CSMD1: variants seen among roughly 807,000 people sequenced by gnomAD.
CSMD1 encodes CUB and sushi domain-containing protein 1.
CSMD1 carries 213 observed loss-of-function variants against 417.5 expected under a neutral mutation model. The ratio of observed to expected loss-of-function variants is 0.51; its 90% CI spans 0.46 to 0.57. The LOEUF (loss-of-function observed/expected upper bound fraction) is 0.57. Among genes scored for constraint, CSMD1 ranks in the 20% least tolerant of loss-of-function variants. The pLI is 0.00. For synonymous variants in CSMD1, 2,862 were observed against 1,736.8 expected, an observed-to-expected ratio of 1.65 and a Z score of -16.11; for missense variants, 6,923 against 4,529.7, an observed-to-expected ratio of 1.53 and a Z score of -15.17.
chr8:3,190,482 A>G (rs1032508307), intron 33 of CSMD1, among the ~76,000 whole-genome samples: 1 of 152,170 alleles, frequency 6.6e-6, no homozygotes, highest in Admixed American at 6.5e-5. Flanking sequence ...TCATCCTGCT[A>G]GTGATAATGA....
intron 1 of CSMD1, among the ~76,000 whole-genome samples, chr8:4,747,066 C>T (rs771364890): frequency 5.3e-5 from 8 of 152,114 alleles, no homozygotes; most frequent in Non-Finnish European, 8.8e-5. Context: ...GATCACCATC[C>T]TCTGGGGCTA....
chr8:3,010,257 A>T (rs971740287), intron 52 of CSMD1, among the ~76,000 whole-genome samples: 1 of 151,812 alleles, frequency 6.6e-6, no homozygotes, highest in African/African-American at 2.4e-5. Flanking sequence ...CCAGACTCCT[A>T]CTCTTCTACT....
At chr8:4,041,116 C>A (rs11136692) in intron 3 of CSMD1, among the ~76,000 whole-genome samples, 81,266 of 146,978 alleles carry the variant, frequency 0.55, 23,334 homozygotes, top group East Asian at 0.77. Flanking sequence ...TCCCGGGTTC[C>A]CGCCATTCTC....
At chr8:4,583,301 G>C (rs185454676) in intron 2 of CSMD1, among the ~76,000 whole-genome samples, 3 of 152,214 alleles carry the variant, frequency 2.0e-5, no homozygotes, top group Non-Finnish European at 1.5e-5. Context: ...CCTGAGTCTG[G>C]TGGGGCCTTG....
At chr8:3,902,635 T>A (rs1186847871) in intron 5 of CSMD1, among the ~76,000 whole-genome samples, 1 of 152,056 alleles carries the variant, frequency 6.6e-6, no homozygotes, top group Admixed American at 6.6e-5. Flanking sequence ...GAGGCAGAGC[T>A]CAGGGGTAAT....
intron 2 of CSMD1, among the ~76,000 whole-genome samples, chr8:4,618,076 T>G (rs562817352): frequency 1.3e-3 from 200 of 152,320 alleles, no homozygotes; most frequent in African/African-American, 4.4e-3. Context: ...CACATCATGC[T>G]GAATTTTTTG....
chr8:4,784,019 G>C (rs1418577196), intron 1 of CSMD1, among the ~76,000 whole-genome samples: 3 of 152,110 alleles, frequency 2.0e-5, no homozygotes, highest in African/African-American at 4.8e-5. Context: ...GAAAATTATG[G>C]ATAAAAAAAG....
At chr8:4,667,789 C>T (rs2466730) in intron 1 of CSMD1, among the ~76,000 whole-genome samples, 109,000 of 152,076 alleles carry the variant, frequency 0.72, 39,579 homozygotes, top group African/African-American at 0.83. Flanking sequence ...ACATAGACTA[C>T]GTCCTTTGTG....
Position 4,994,696 on chromosome 8 carries a change from G to A in CSMD1, c.-280C>T. 5.1e-6 allele frequency: 2 copies of A among 391,040 alleles called. No homozygotes were observed. The highest frequency in any genetic ancestry group is 2.1e-5 in the African/African-American group (1 of 46,906). The allele number at this position is 391,040 out of a possible 1,614,324, so 24.2% of individuals were successfully genotyped here. On this transcript the variant is annotated 5_prime_UTR_variant, in exon 1 of 70. Coordinates refer to ENST00000635120, the MANE Select transcript of CSMD1 (RefSeq NM_033225.6). ...GGACGAGCGCCGGCCGAGCCGGGCA[G>A]GAAGGCACCAAGGCGGCGAGGCTGC...
chr8:4,815,222 AAATGATTATTTGATG>A (rs1799136636), intron 1 of CSMD1, among the ~76,000 whole-genome samples: 1 of 152,120 alleles, frequency 6.6e-6, no homozygotes, highest in African/African-American at 2.4e-5. Context: ...TGGTTTCATC[AAATGATTATTTGATG>A]AAACCACAAT....
intron 1 of CSMD1, among the ~76,000 whole-genome samples, chr8:4,784,403 G>A (rs1490575664): frequency 2.0e-5 from 3 of 152,124 alleles, no homozygotes; most frequent in Admixed American, 1.3e-4. Flanking sequence ...CAATTACAAA[G>A]GGAAGAACAA....
intron 68 of CSMD1, among the ~76,000 whole-genome samples, chr8:2,943,535 T>C (rs976947061): frequency 6.6e-6 from 1 of 152,142 alleles, no homozygotes; most frequent in Non-Finnish European, 1.5e-5. Flanking sequence ...ACCTAAAATA[T>C]ACCTTTTGTC....
intron 26 of CSMD1, among the ~76,000 whole-genome samples, chr8:3,231,312 GCTGACTTTTTCT>G (rs1344773113): frequency 2.0e-5 from 3 of 152,036 alleles, no homozygotes; most frequent in African/African-American, 7.2e-5. Flanking sequence ...ACAATTAAAA[GCTGACTTTTTCT>G]CTGCAAAGTA....
intron 3 of CSMD1, among the ~76,000 whole-genome samples, chr8:4,302,010 G>C (rs192055812): frequency 2.0e-5 from 3 of 152,138 alleles, no homozygotes; most frequent in Non-Finnish European, 1.5e-5. Context: ...GTTAATATGA[G>C]TTTATTTTGG....
chr8:3,533,278 T>C (rs1798055233), intron 10 of CSMD1, among the ~76,000 whole-genome samples: 1 of 152,226 alleles, frequency 6.6e-6, no homozygotes. Flanking sequence ...CTCTTACAAA[T>C]GTTTAAATGC....
intron 3 of CSMD1, among the ~76,000 whole-genome samples, chr8:4,350,591 A>G (rs531390788): frequency 1.1e-4 from 17 of 152,298 alleles, no homozygotes; most frequent in Non-Finnish European, 2.2e-4. Flanking sequence ...CACGCTTACA[A>G]TGAGAAAAAG....
At chr8:4,306,981 T>A (rs1031156935) in intron 3 of CSMD1, among the ~76,000 whole-genome samples, 6 of 152,192 alleles carry the variant, frequency 3.9e-5, no homozygotes, top group Non-Finnish European at 5.9e-5. Flanking sequence ...CGACTGTCTT[T>A]TCCCATCTGT....
intron 3 of CSMD1, among the ~76,000 whole-genome samples, chr8:4,149,633 C>G (rs1203347000): frequency 6.6e-6 from 1 of 152,164 alleles, no homozygotes; most frequent in Non-Finnish European, 1.5e-5. Context: ...TAGAATCATC[C>G]TAGCTCAACA....
intron 5 of CSMD1, among the ~76,000 whole-genome samples, chr8:3,781,476 T>C (rs968911025): frequency 1.3e-5 from 2 of 148,392 alleles, no homozygotes; most frequent in African/African-American, 5.1e-5. Flanking sequence ...GAGCTGCTGA[T>C]AGTTGCACCA....
Sources: allele counts gnomAD v4.1 joint callset (sites outside exome capture counted in the v4.1 genomes callset), GRCh38; gene constraint gnomAD v4.1.1; transcripts MANE v1.5; gene names NCBI Gene and HGNC (gene_info 2026-07-23, HGNC 2026-07-21).